Variants in TAFA2 observed in about 807,000 individuals in gnomAD.
TAFA2 encodes chemokine-like protein TAFA-2.
A neutral mutation model predicts 18.8 loss-of-function variants in TAFA2; 7 were observed. The ratio of observed to expected loss-of-function variants is 0.37; its 90% CI spans 0.21 to 0.70. The LOEUF (loss-of-function observed/expected upper bound fraction) is 0.70, where lower values mean the gene tolerates loss of function less well. TAFA2 is among the 30% of genes least tolerant of loss of function. The pLI, the probability that TAFA2 is intolerant of heterozygous loss-of-function variation, is 0.53. For missense variants in TAFA2, 122 were observed against 158.1 expected (o/e 0.77, Z 1.23); for synonymous variants, 60 against 54.2 (o/e 1.11, Z -0.47).
intron 2 of TAFA2, among the ~76,000 whole-genome samples, chr12:61,766,508 G>A (rs1446096058): frequency 1.3e-5 from 2 of 152,024 alleles, no homozygotes; most frequent in Admixed American, 6.6e-5. Context: ...TACTTAGCCC[G>A]TTAGGTAGAC....
chr12:61,753,553 T>C, intron 4 of TAFA2, 69 bp downstream of exon 4: 1 of 1,405,928 alleles, frequency 7.1e-7, no homozygotes, highest in Non-Finnish European at 9.7e-7. Flanking sequence ...CTTAAATTGG[T>C]TACTGCACAA....
intron 1 of TAFA2, among the ~76,000 whole-genome samples, chr12:61,939,459 G>A (rs1877906944): frequency 6.6e-6 from 1 of 151,748 alleles, no homozygotes; most frequent in African/African-American, 2.4e-5. Context: ...TTCTCTATGT[G>A]GAATTAGTCA....
At chr12:61,944,011 GCACCA>G (rs1878155652) in intron 1 of TAFA2, among the ~76,000 whole-genome samples, 1 of 133,378 alleles carries the variant, frequency 7.5e-6, no homozygotes, top group African/African-American at 3.0e-5. Flanking sequence ...ATTTTTTTCA[GCACCA>G]CACCACACCT....
intron 2 of TAFA2, among the ~76,000 whole-genome samples, chr12:61,862,490 TC>T (rs1336006420): frequency 1.3e-5 from 2 of 152,230 alleles, no homozygotes; most frequent in Non-Finnish European, 2.9e-5. Context: ...TCTACAGTGT[TC>T]CTACATCATG....
Position 62,010,874 on chromosome 12 carries a change from CGCCCTTCGTCTGGG to C in TAFA2, c.-1-143462_-1-143449del, listed in dbSNP as rs1565714938. On this transcript the variant is annotated intron_variant, in intron 1 of 4. Transcript: ENST00000416284. ...GAGGTGGGGAGCGCCTCTGCCCGGC[CGCCCTTCGTCTGGG>C]AGGTGGGGAGCGCCTCTGCCCGGCC... 2.6e-5 allele frequency among the ~76,000 whole-genome samples: 3 copies of C among 117,342 alleles called. 1 individual carries two copies. The East Asian group carries it at 9.0e-4, about 35-fold the overall frequency. 77.0% of individuals were successfully genotyped at this position (117,342 alleles called of 152,430 possible).
chr12:62,019,586 C>T (rs1344586577), intron 1 of TAFA2, among the ~76,000 whole-genome samples: 5 of 150,534 alleles, frequency 3.3e-5, no homozygotes, highest in East Asian at 4.0e-4. Flanking sequence ...AACCAAACAC[C>T]GCGTGTTCTC....
rs575510599 is a variant in TAFA2 at position 61,925,372 on chromosome 12, T to G, written c.-1-57946A>C. ...CTCTGCAAATGTAAAAGAATGGAAA[T>G]CATAACAAACAGTCTCCCAAACCAC... is the stretch of plus-strand genomic sequence containing the variant. On this transcript the variant is annotated intron_variant, in intron 1 of 4. Transcript: ENST00000416284. Among the ~76,000 whole-genome samples the G allele has an allele frequency of 5.9e-5, 9 of 152,210 alleles. No homozygotes were observed. In the East Asian group the frequency reaches 1.7e-3, roughly 29 times the overall value.
intron 2 of TAFA2, among the ~76,000 whole-genome samples, chr12:61,851,915 G>A (rs1026096974): frequency 1.5e-4 from 22 of 142,552 alleles, no homozygotes; most frequent in Middle Eastern, 4.3e-3. Context: ...GGACATTTTG[G>A]ATAAAAGACA....
At chr12:61,904,759 C>T (rs1451455269) in intron 1 of TAFA2, among the ~76,000 whole-genome samples, 3 of 152,116 alleles carry the variant, frequency 2.0e-5, no homozygotes, top group Admixed American at 6.5e-5. Flanking sequence ...TTCCCTCATT[C>T]GGTCCCACTG....
At chr12:61,754,740 A>T in intron 3 of TAFA2, 132 bp downstream of exon 3, 1 of 835,768 alleles carries the variant, frequency 1.2e-6, no homozygotes, top group Non-Finnish European at 1.7e-6. Flanking sequence ...CAAATATTCT[A>T]GTTTCAACTT....
At chr12:61,810,024 C>T (rs1259545572) in intron 2 of TAFA2, among the ~76,000 whole-genome samples, 2 of 151,314 alleles carry the variant, frequency 1.3e-5, no homozygotes, top group Non-Finnish European at 2.9e-5. Flanking sequence ...TTGTTAAAGT[C>T]CTTTTGGGAA....
intron 2 of TAFA2, among the ~76,000 whole-genome samples, chr12:61,815,156 G>A (rs1872026592): frequency 6.6e-6 from 1 of 151,282 alleles, no homozygotes; most frequent in Non-Finnish European, 1.5e-5. Context: ...GTAGAGAGGA[G>A]GACATATATC....
chr12:61,816,465 T>C (rs1310625071), intron 2 of TAFA2, among the ~76,000 whole-genome samples: 2 of 151,430 alleles, frequency 1.3e-5, no homozygotes, highest in Non-Finnish European at 2.9e-5. Flanking sequence ...CTGTTTTGAA[T>C]AGTGCTGCAA....
chr12:61,906,848 A>G (rs1876378371), intron 1 of TAFA2, among the ~76,000 whole-genome samples: 1 of 152,216 alleles, frequency 6.6e-6, no homozygotes, highest in Admixed American at 6.5e-5. Flanking sequence ...TTTAGCAAAG[A>G]GACTGGCAGA....
At chr12:62,140,707 A>G (rs774979902) in intron 1 of TAFA2, among the ~76,000 whole-genome samples, 1 of 152,108 alleles carries the variant, frequency 6.6e-6, no homozygotes, top group African/African-American at 2.4e-5. Flanking sequence ...TCTAGCCACA[A>G]GTTTTCAGCC....
At chr12:61,744,006 AT>A (rs1429119605) in intron 4 of TAFA2, among the ~76,000 whole-genome samples, 3 of 152,058 alleles carry the variant, frequency 2.0e-5, no homozygotes, top group Non-Finnish European at 4.4e-5. Context: ...TTATTAAGCC[AT>A]TTTAGTAACC....
At chr12:62,043,453 G>T (rs181170217) in intron 1 of TAFA2, among the ~76,000 whole-genome samples, 7,702 of 151,822 alleles carry the variant, frequency 0.051, 284 homozygotes, top group South Asian at 0.12. Flanking sequence ...TCACACTCCG[G>T]GGACTGTTGT....
intron 1 of TAFA2, among the ~76,000 whole-genome samples, chr12:61,873,450 A>G (rs1874709393): frequency 6.6e-6 from 1 of 152,104 alleles, no homozygotes; most frequent in African/African-American, 2.4e-5. Flanking sequence ...GGCTAGAGAG[A>G]TTTAAACAAG....
intron 4 of TAFA2, among the ~76,000 whole-genome samples, chr12:61,714,382 T>C (rs1020985291): frequency 3.3e-5 from 5 of 152,186 alleles, no homozygotes; most frequent in Non-Finnish European, 5.9e-5. Context: ...GAAATAATAA[T>C]AGCTTTTCTG....
Sources: gnomAD v4.1 joint callset for allele counts (sites outside exome capture counted in the v4.1 genomes callset) on GRCh38, gnomAD v4.1.1 for gene constraint, MANE v1.5 for transcripts, NCBI Gene and HGNC (gene_info 2026-07-23, HGNC 2026-07-21) for gene names.